ERC2: variants seen among roughly 807,000 people sequenced by gnomAD.
The protein encoded by ERC2 is ERC protein 2.
A neutral mutation model predicts 114.8 loss-of-function variants in ERC2; 42 were observed. The ratio of observed to expected loss-of-function variants is 0.37; its 90% confidence interval spans 0.29 to 0.47. The LOEUF (loss-of-function observed/expected upper bound fraction) is 0.47. Among genes scored for constraint, ERC2 ranks in the 20% least tolerant of loss-of-function variants. ERC2 has a pLI of 0.99. For synonymous variants in ERC2, 454 were observed against 425.5 expected (o/e 1.07, Z -0.82); for missense variants, 939 against 1,150.7 (o/e 0.82, Z 2.66).
chr3:55,858,931 A>T (rs1045050717), intron 14 of ERC2, among the ~76,000 whole-genome samples: 1 of 152,152 alleles, frequency 6.6e-6, no homozygotes, highest in African/African-American at 2.4e-5. Flanking sequence ...GCCCAGCACC[A>T]GATGTCCTCC....
At chr3:55,932,909 T>C in intron 13 of ERC2, among the ~76,000 whole-genome samples, 1 of 152,222 alleles carries the variant, frequency 6.6e-6, no homozygotes, top group East Asian at 1.9e-4. Context: ...TGTTAATTAC[T>C]TTGAAGAATA....
intron 17 of ERC2, among the ~76,000 whole-genome samples, chr3:55,572,183 G>A (rs11711053): frequency 5.9e-5 from 9 of 152,184 alleles, no homozygotes; most frequent in South Asian, 4.1e-4. Flanking sequence ...AGGGAGCGTC[G>A]CCTTTTATGG....
At chr3:55,712,475 T>C (rs140392442) in intron 15 of ERC2, among the ~76,000 whole-genome samples, 191 of 152,302 alleles carry the variant, frequency 1.3e-3, no homozygotes, top group East Asian at 5.4e-3. Context: ...GCAGTTGATA[T>C]GGGGCTTTAC....
At chr3:56,338,342 T>A (rs2057943978) in intron 2 of ERC2, among the ~76,000 whole-genome samples, 1 of 152,248 alleles carries the variant, frequency 6.6e-6, no homozygotes, top group Non-Finnish European at 1.5e-5. Context: ...CCTGCCTGCC[T>A]CATCTAATCC....
intron 17 of ERC2, among the ~76,000 whole-genome samples, chr3:55,553,812 A>G (rs994933769): frequency 6.6e-6 from 1 of 152,174 alleles, no homozygotes; most frequent in East Asian, 1.9e-4. Flanking sequence ...CTGAGGCTTA[A>G]GCCTCACAGC....
At chr3:56,057,415 T>A (rs2076062615) in intron 7 of ERC2, among the ~76,000 whole-genome samples, 1 of 152,210 alleles carries the variant, frequency 6.6e-6, no homozygotes. Flanking sequence ...TGCTTACTCA[T>A]TTCTTGGTTT....
intron 2 of ERC2, among the ~76,000 whole-genome samples, chr3:56,420,341 T>A (rs1284647366): frequency 1.3e-5 from 2 of 151,620 alleles, no homozygotes; most frequent in African/African-American, 4.8e-5. Context: ...CACACCACCA[T>A]ACCTGGCTAA....
intron 7 of ERC2, among the ~76,000 whole-genome samples, chr3:56,056,689 A>C (rs1327757995): frequency 6.6e-6 from 1 of 152,174 alleles, no homozygotes; most frequent in Non-Finnish European, 1.5e-5. Flanking sequence ...TGAGTTGAGA[A>C]TAGACGAGAT....
intron 3 of ERC2, among the ~76,000 whole-genome samples, chr3:56,187,219 T>C (rs1048363125): frequency 1.3e-5 from 2 of 152,064 alleles, no homozygotes; most frequent in Non-Finnish European, 2.9e-5. Flanking sequence ...AGGAAAAAGT[T>C]TGGCAATTCT....
chr3:55,648,333 T>G (rs1268259331), intron 17 of ERC2, among the ~76,000 whole-genome samples: 1 of 152,252 alleles, frequency 6.6e-6, no homozygotes, highest in Non-Finnish European at 1.5e-5. Context: ...TGGGGAATTA[T>G]TCAACCTGGA....
intron 2 of ERC2, among the ~76,000 whole-genome samples, chr3:56,423,583 G>T (rs2061463500): frequency 1.3e-5 from 2 of 152,250 alleles, no homozygotes; most frequent in Admixed American, 1.3e-4. Flanking sequence ...GGGTTTGTAA[G>T]ATGAAAAGTA....
chr3:55,932,930 T>C (rs1175196147), intron 13 of ERC2, among the ~76,000 whole-genome samples: 2 of 152,208 alleles, frequency 1.3e-5, no homozygotes, highest in Non-Finnish European at 2.9e-5. Flanking sequence ...AAGAAAGCAC[T>C]GGGCGTGGTA....
At chr3:56,187,531 C>T (rs1230621520) in intron 3 of ERC2, among the ~76,000 whole-genome samples, 3 of 152,046 alleles carry the variant, frequency 2.0e-5, no homozygotes, top group Non-Finnish European at 2.9e-5. Flanking sequence ...ATGAGATGCA[C>T]GCACATACAC....
At chr3:56,420,886 G>T (rs1194495169) in intron 2 of ERC2, among the ~76,000 whole-genome samples, 1 of 148,942 alleles carries the variant, frequency 6.7e-6, no homozygotes, top group Non-Finnish European at 1.5e-5. Flanking sequence ...GACAGAGCAA[G>T]ACTCCGTCTC....
At chr3:55,739,762 T>G (rs187800880) in intron 14 of ERC2, among the ~76,000 whole-genome samples, 1 of 152,322 alleles carries the variant, frequency 6.6e-6, no homozygotes, top group East Asian at 1.9e-4. Context: ...TTAGTTTAAT[T>G]AGATCCCATT....
chr3:55,673,121 T>A lies in ERC2; in HGVS notation c.*39+10673A>T, dbSNP rs139063142. ...GACTTCCTCATTCTCCCTTTCTCAT[T>A]CCACATTCCGTGAGGGGGAAGGACA... On this transcript the variant is annotated intron_variant, in intron 17 of 17. Transcript: ENST00000288221. Among the ~76,000 whole-genome samples, 3 of 152,270 alleles carry A rather than the reference T, an allele frequency of 2.0e-5. No homozygotes were observed. In the East Asian group the frequency reaches 5.8e-4, roughly 29 times the overall value.
chr3:55,591,843 C>T (rs1348493244), intron 17 of ERC2, among the ~76,000 whole-genome samples: 4 of 152,154 alleles, frequency 2.6e-5, no homozygotes, highest in African/African-American at 9.7e-5. Flanking sequence ...AAATGAGGCT[C>T]AGAGTAGGTA....
intron 2 of ERC2, among the ~76,000 whole-genome samples, chr3:56,380,912 G>A (rs1225510343): frequency 6.6e-6 from 1 of 152,042 alleles, no homozygotes; most frequent in Non-Finnish European, 1.5e-5. Context: ...ATCAAACTAG[G>A]CCAATTTACA....
chr3:56,008,862 A>G (rs963593370), intron 9 of ERC2, among the ~76,000 whole-genome samples: 3 of 152,214 alleles, frequency 2.0e-5, no homozygotes, highest in Non-Finnish European at 4.4e-5. Flanking sequence ...AAGACCTTCC[A>G]GTCGGCTTTT....
Sources: allele counts gnomAD v4.1 joint callset (sites outside exome capture counted in the v4.1 genomes callset), GRCh38; gene constraint gnomAD v4.1.1; transcripts MANE v1.5; gene names NCBI Gene and HGNC (gene_info 2026-07-23, HGNC 2026-07-21).